Variants in KLHL32 observed in about 807,000 individuals in gnomAD.
The protein encoded by KLHL32 is kelch-like protein 32.
Under a neutral mutation model 64.8 loss-of-function variants are expected in KLHL32, and 35 were observed. The observed-to-expected ratio is 0.54, with a 90% CI of 0.41 to 0.72. The LOEUF is 0.72. Among genes scored for constraint, KLHL32 ranks in the 30% least tolerant of loss-of-function variants. The pLI, the probability that KLHL32 is intolerant of heterozygous loss-of-function variation, is 0.00. For missense variants in KLHL32, 589 were observed against 768.5 expected, an observed-to-expected ratio of 0.77 and a Z score of 2.76; for synonymous variants, 259 against 281.0, an observed-to-expected ratio of 0.92 and a Z score of 0.78.
chr6:96,934,269 T>A (rs894932347), intron 1 of KLHL32, among the ~76,000 whole-genome samples: 3 of 152,178 alleles, frequency 2.0e-5, no homozygotes, highest in Non-Finnish European at 2.9e-5. Context: ...GAATCTGCAT[T>A]AGTATTGAGT....
chr6:97,080,955 C>G (rs1792405974), intron 5 of KLHL32, among the ~76,000 whole-genome samples: 1 of 152,158 alleles, frequency 6.6e-6, no homozygotes, highest in Non-Finnish European at 1.5e-5. Flanking sequence ...TTTGCTCATG[C>G]TGCTTCTTTG....
chr6:97,067,662 G>T (rs1456050146), intron 5 of KLHL32, among the ~76,000 whole-genome samples: 3 of 152,160 alleles, frequency 2.0e-5, no homozygotes, highest in African/African-American at 7.2e-5. Flanking sequence ...CTTAACACTG[G>T]TGGGTGTTGT....
At chr6:97,122,676 C>T (rs1053781582) in intron 7 of KLHL32, among the ~76,000 whole-genome samples, 1 of 152,160 alleles carries the variant, frequency 6.6e-6, no homozygotes, top group African/African-American at 2.4e-5. Flanking sequence ...TTTTTATAAA[C>T]AGCTACAGGA....
rs75211068 is a variant in KLHL32, at chr6:97,036,480, A to G, written c.205-5012A>G. ...TCTGAGCATTTGAAGGAGCAGTTAC[A>G]TCTTTCAGATATTACAGACTGGCTT... On this transcript the variant is annotated intron_variant, in intron 3 of 10. Coordinates refer to ENST00000369261, the MANE Select transcript of KLHL32 (RefSeq NM_052904.4). Among the ~76,000 whole-genome samples, 473 of 152,344 alleles carry G rather than the reference A, an allele frequency of 3.1e-3. 5 individuals carry two copies. Among genetic ancestry groups the G allele is most frequent in the African/African-American group, 0.01 (421 of 41,574 alleles).
At chr6:96,929,638 A>T (rs1288384639) in intron 1 of KLHL32, among the ~76,000 whole-genome samples, 1 of 152,132 alleles carries the variant, frequency 6.6e-6, no homozygotes, top group Non-Finnish European at 1.5e-5. Context: ...ACCTAAGAGG[A>T]GCTGAGCAAT....
intron 7 of KLHL32, among the ~76,000 whole-genome samples, chr6:97,123,470 A>G (rs555154965): frequency 6.6e-5 from 10 of 152,134 alleles, no homozygotes; most frequent in Admixed American, 1.3e-4. Context: ...GGCAGTTTTT[A>G]AAGACTTATT....
intron 5 of KLHL32, among the ~76,000 whole-genome samples, chr6:97,072,564 CTTT>C (rs5878460): frequency 6.8e-6 from 1 of 146,148 alleles, no homozygotes; most frequent in South Asian, 2.1e-4. Context: ...ATCTCTTTGG[CTTT>C]TTTTTTTTTG....
intron 3 of KLHL32, among the ~76,000 whole-genome samples, chr6:97,032,894 C>T (rs1582785567): frequency 6.7e-6 from 1 of 149,930 alleles, no homozygotes; most frequent in Non-Finnish European, 1.5e-5. Context: ...AATGCATAAA[C>T]AAAATCTACT....
intron 5 of KLHL32, among the ~76,000 whole-genome samples, chr6:97,066,111 A>AGT (rs1324991810): frequency 6.6e-6 from 1 of 152,214 alleles, no homozygotes; most frequent in Non-Finnish European, 1.5e-5. Flanking sequence ...AGACTTCAAA[A>AGT]GTGTGTGTTT....
rs183743867 is a variant in KLHL32, at chr6:97,035,350, G to A, written c.205-6142G>A. 1.9e-3 allele frequency among the ~76,000 whole-genome samples: 295 copies of A among 151,800 alleles called. 3 individuals are homozygous for A. Among genetic ancestry groups the A allele is most frequent in the African/African-American group, 6.4e-3 (265 of 41,404 alleles). The stretch of plus-strand genomic sequence containing the variant: ...TGGTCTTTTATCTTTTAAATGTTGG[G>A]GTAAAAGTAACTTACACACCACCAT... On this transcript the variant is annotated intron_variant, in intron 3 of 10. Coordinates refer to ENST00000369261, the MANE Select transcript of KLHL32 (RefSeq NM_052904.4).
intron 2 of KLHL32, among the ~76,000 whole-genome samples, chr6:96,967,611 A>C (rs541089135): frequency 4.6e-5 from 7 of 152,242 alleles, no homozygotes; most frequent in African/African-American, 1.7e-4. Context: ...TCATTTATTT[A>C]ATAGATATTA....
At chr6:96,901,874 T>C in the KLHL32 span, among the ~76,000 whole-genome samples, 2 of 152,240 alleles carry the variant, frequency 1.3e-5, no homozygotes, top group Non-Finnish European at 2.9e-5. Flanking sequence ...CTAAAGATAA[T>C]GGCCTCCAGC....
chr6:96,975,893 A>C (rs1582545319), intron 2 of KLHL32, 104 bp from the exon 3 acceptor site: 4 of 784,932 alleles, frequency 5.1e-6, no homozygotes, highest in East Asian at 2.9e-5. Flanking sequence ...CATAGAGTGC[A>C]CTGGAACCCG....
intron 7 of KLHL32, among the ~76,000 whole-genome samples, chr6:97,124,498 G>A (rs942355817): frequency 1.7e-4 from 26 of 152,108 alleles, no homozygotes; most frequent in African/African-American, 6.3e-4. Flanking sequence ...GCTTGGGAGA[G>A]GGGATGTAAT....
At chr6:96,935,191 G>C (rs558325505) in intron 1 of KLHL32, among the ~76,000 whole-genome samples, 10 of 152,218 alleles carry the variant, frequency 6.6e-5, no homozygotes, top group African/African-American at 2.2e-4. Flanking sequence ...CTGAGAGAAA[G>C]GCAGACATCA....
At chr6:97,014,290 G>C (rs1019929429) in intron 3 of KLHL32, among the ~76,000 whole-genome samples, 11 of 143,656 alleles carry the variant, frequency 7.7e-5, no homozygotes, top group African/African-American at 2.9e-4. Flanking sequence ...GCGAGACTCC[G>C]TCTCAAAAAA....
At position 96,976,057 on chromosome 6, in the gene KLHL32, C is replaced by G. The variant is rs745467050; in HGVS notation, c.84C>G (p.Val28=). The G allele has an allele frequency of 6.2e-7, 1 of 1,607,544 alleles. No individual in the cohort carries two copies. The highest frequency in any genetic ancestry group is 1.1e-5 in the South Asian group (1 of 90,374). The change falls in exon 3 of 11, where the codon GTC becomes GTG. Residue 28 remains valine, a synonymous_variant. Transcript: ENST00000369261. ...LCHSESHNDS[V]LAALNQQRSD... ...ACTCCGAATCTCACAATGACAGTGTCCTGGCAGCGCTGAATCAGCAGAGGA... is the reference window on the plus strand; with the variant it reads ...ACTCCGAATCTCACAATGACAGTGTGCTGGCAGCGCTGAATCAGCAGAGGA...
chr6:97,136,819 TATGCA>T, intron 10 of KLHL32, among the ~76,000 whole-genome samples: 1 of 152,324 alleles, frequency 6.6e-6, no homozygotes, highest in Non-Finnish European at 1.5e-5. Context: ...CTGCTTAACA[TATGCA>T]GTCTCTGTTG....
At chr6:96,933,639 GGA>G (rs1038416600) in intron 1 of KLHL32, among the ~76,000 whole-genome samples, 4 of 152,294 alleles carry the variant, frequency 2.6e-5, no homozygotes, top group African/African-American at 9.6e-5. Flanking sequence ...GACAGTTTCA[GGA>G]GAGAGTCTTT....
Sources: allele counts gnomAD v4.1 joint callset (sites outside exome capture counted in the v4.1 genomes callset), GRCh38; gene constraint gnomAD v4.1.1; transcripts MANE v1.5; gene names NCBI Gene and HGNC (gene_info 2026-07-23, HGNC 2026-07-21).